GK: variants seen among roughly 807,000 people sequenced by gnomAD.
GK encodes the protein glycerol kinase.
Under a neutral mutation model 56.4 loss-of-function variants are expected in GK, and 9 were observed. The ratio of observed to expected loss-of-function variants is 0.16; its 90% CI spans 0.10 to 0.28. The LOEUF (loss-of-function observed/expected upper bound fraction) is 0.28, where lower values mean the gene tolerates loss of function less well. Ranked by LOEUF, GK falls within the 10% of genes least tolerant of loss-of-function variation. The pLI is 1.00. For synonymous variants in GK, 104 were observed against 144.1 expected (o/e 0.72, Z 1.99); for missense variants, 161 against 431.4 (o/e 0.37, Z 5.55).
intron 1 of GK, among the ~76,000 whole-genome samples, chrX:30,654,596 G>A (rs1288096806): frequency 1.8e-5 from 2 of 110,433 alleles, no homozygotes; most frequent in African/African-American, 3.3e-5. Context: ...GGTGGCGGGC[G>A]CCTGTAATCC....
chrX:30,688,059 C>T (rs943288003), intron 4 of GK, among the ~76,000 whole-genome samples: 30 of 112,053 alleles, frequency 2.7e-4, no homozygotes, highest in African/African-American at 9.7e-4. Flanking sequence ...GTCCAGCCTC[C>T]TTATTTTATA....
At chrX:30,686,427 C>T (rs994106797) in intron 4 of GK, among the ~76,000 whole-genome samples, 1 of 112,270 alleles carries the variant, frequency 8.9e-6, no homozygotes, top group African/African-American at 3.2e-5. Flanking sequence ...TGGAGCCTCA[C>T]CTTCACCTCA....
chrX:30,718,918 G>A (rs1936758593), intron 14 of GK, among the ~76,000 whole-genome samples: 1 of 111,750 alleles, frequency 8.9e-6, no homozygotes, highest in African/African-American at 3.2e-5. Flanking sequence ...AAATTTATCT[G>A]ATGAGAAAGA....
chrX:30,727,404 T>C, intron 19 of GK, 62 bp from the exon 20 acceptor site: 1 of 645,088 alleles, frequency 1.6e-6, no homozygotes, highest in Admixed American at 2.3e-5. Context: ...ACAAATATTG[T>C]AATTATGTGT....
At chrX:30,706,094 A>G (rs1935989823) in intron 11 of GK, among the ~76,000 whole-genome samples, 1 of 112,095 alleles carries the variant, frequency 8.9e-6, no homozygotes, top group Non-Finnish European at 1.9e-5. Flanking sequence ...TTTAGTTTGT[A>G]AATGTATTAC....
intron 11 of GK, among the ~76,000 whole-genome samples, chrX:30,702,230 C>T (rs1324989474): frequency 1.8e-5 from 2 of 110,549 alleles, no homozygotes; most frequent in Non-Finnish European, 1.9e-5. Flanking sequence ...TTAGTAGAGA[C>T]GGAGTTTCTC....
chrX:30,705,305 G>C (rs1935939782), intron 11 of GK, among the ~76,000 whole-genome samples: 1 of 112,410 alleles, frequency 8.9e-6, no homozygotes, highest in African/African-American at 3.2e-5. Flanking sequence ...AGAAATTATG[G>C]ATGATTCTAA....
chrX:30,661,611 G>T (rs1476738555), intron 1 of GK, among the ~76,000 whole-genome samples: 3 of 111,041 alleles, frequency 2.7e-5, no homozygotes, highest in Non-Finnish European at 5.7e-5. Context: ...TCTTAGTTTA[G>T]AAGTTACCAC....
rs748419072 is a variant in GK at position 30,665,635 on chromosome X, C to G, written c.152+51C>G. The stretch of plus-strand genomic sequence containing the variant: ...AGACACATTATGTTTGTTAGTCCAT[C>G]TCACCCAACTTGCCCTGTGGATTTG... On this transcript the variant is annotated intron_variant, in intron 2 of 20. Coordinates refer to ENST00000427190, the MANE Select transcript of GK (RefSeq NM_001205019.2). The G allele has an allele frequency of 2.9e-4, 208 of 728,644 alleles. No individual in the cohort carries two copies. The South Asian group carries it at 4.3e-3, about 15-fold the overall frequency. 60.0% of individuals were successfully genotyped at this position (728,644 alleles called of 1,213,427 possible).
intron 6 of GK, 58 bp downstream of exon 6, chrX:30,694,595 C>T: frequency 1.0e-6 from 1 of 995,186 alleles, no homozygotes; most frequent in Non-Finnish European, 1.4e-6. Flanking sequence ...TTCTAGACTG[C>T]CTTGCCTATT....
intron 18 of GK, chrX:30,722,023 C>T (rs1397750812): frequency 9.0e-6 from 1 of 111,129 alleles, no homozygotes; most frequent in Non-Finnish European, 1.9e-5. Flanking sequence ...GGCTTGGGCC[C>T]AGGAGTTCGA....
chrX:30,694,291 C>A, intron 5 of GK, 109 bp from the exon 6 acceptor site: 1 of 670,712 alleles, frequency 1.5e-6, no homozygotes, highest in Non-Finnish European at 2.5e-6. Flanking sequence ...TATGGGATTG[C>A]CTTCAGGGTC....
At chrX:30,691,795 T>A (rs1270182538) in intron 5 of GK, among the ~76,000 whole-genome samples, 1 of 110,961 alleles carries the variant, frequency 9.0e-6, no homozygotes, top group Non-Finnish European at 1.9e-5. Context: ...ATCCCTATTT[T>A]TTCTACTGCC....
At chrX:30,715,227 G>A (rs1284237365) in intron 13 of GK, among the ~76,000 whole-genome samples, 1 of 111,752 alleles carries the variant, frequency 8.9e-6, no homozygotes, top group Non-Finnish European at 1.9e-5. Flanking sequence ...TATACTGTTT[G>A]TGGCAGTGGC....
At chrX:30,718,348 G>A (rs956927962) in intron 13 of GK, among the ~76,000 whole-genome samples, 190 bp from the exon 14 acceptor site, 3 of 111,873 alleles carry the variant, frequency 2.7e-5, no homozygotes, top group African/African-American at 9.7e-5. Context: ...TCCTCATCCC[G>A]TGAAAAACTT....
intron 8 of GK, chrX:30,696,934 T>G: frequency 2.8e-6 from 1 of 362,549 alleles, no homozygotes; most frequent in Non-Finnish European, 4.8e-6. Flanking sequence ...TAACTTTAGA[T>G]GTTGGCATGA....
At position 30,699,331 on chromosome X, in the gene GK, T is replaced by C. The variant is rs191331394; in HGVS notation, c.748-1083T>C. On this transcript the variant is annotated intron_variant, in intron 9 of 20. Coordinates refer to ENST00000427190, the MANE Select transcript of GK (RefSeq NM_001205019.2). ...ATATATAACATGTTATATATATATATACACACATACGTTTTATATATATAT... is the reference window on the plus strand; with the variant it reads ...ATATATAACATGTTATATATATATACACACACATACGTTTTATATATATAT... 1.6e-3 allele frequency among the ~76,000 whole-genome samples: 158 copies of C among 100,824 alleles called. 4 individuals carry two copies. The East Asian group carries it at 0.031, about 20-fold the overall frequency. The allele number at this position is 100,824 out of a possible 115,157, so 87.6% of individuals were successfully genotyped here.
At chrX:30,703,481 A>G (rs1935800421) in intron 11 of GK, among the ~76,000 whole-genome samples, 1 of 110,969 alleles carries the variant, frequency 9.0e-6, no homozygotes, top group Non-Finnish European at 1.9e-5. Context: ...GTGAATGTGC[A>G]TGGCACTGCA....
chrX:30,674,711 G>A (rs1933760416), intron 3 of GK, among the ~76,000 whole-genome samples: 1 of 111,005 alleles, frequency 9.0e-6, no homozygotes, highest in South Asian at 3.7e-4. Context: ...TAGATACAGA[G>A]GGTACATGTG....
Sources: allele counts gnomAD v4.1 joint callset (sites outside exome capture counted in the v4.1 genomes callset), GRCh38; gene constraint gnomAD v4.1.1; transcripts MANE v1.5; gene names NCBI Gene and HGNC (gene_info 2026-07-23, HGNC 2026-07-21).